VWA7: variants seen among roughly 807,000 people sequenced by gnomAD.
VWA7 encodes von Willebrand factor A domain containing 7.
Under a neutral mutation model 83.1 loss-of-function variants are expected in VWA7, and 66 were observed. That is an observed-to-expected ratio of 0.79 (90% CI 0.65 to 0.98). The LOEUF (loss-of-function observed/expected upper bound fraction) is 0.98. VWA7 is among the 50% of genes least tolerant of loss of function. The pLI, the probability that VWA7 is intolerant of heterozygous loss-of-function variation, is 0.00. For missense variants in VWA7, 1,080 were observed against 1,160.2 expected, an observed-to-expected ratio of 0.93 and a Z score of 1.00; for synonymous variants, 424 against 488.5, an observed-to-expected ratio of 0.87 and a Z score of 1.74.
rs1035157442 is a variant in VWA7, at chr6:31,766,221, A to G, written c.2324+24T>C. 6.2e-7 allele frequency: 1 copy of G among 1,610,436 alleles called. No homozygotes were observed. The highest frequency in any genetic ancestry group is 1.3e-5 in the African/African-American group (1 of 74,818). On this transcript the variant is annotated intron_variant, in intron 15 of 16. Transcript: ENST00000375688. The surrounding 1 kb of genome is among the most constrained non-coding windows in gnomAD (Gnocchi z 4.9). ...ATTGGCCGGGCAAGATGCCAGAGGG[A>G]GCTGGAGGGTTCATGAGCCTCACCT...
Position 31,773,506 on chromosome 6 carries a change from T to TCA in VWA7, c.722-70_722-69insTG. 3 of 1,425,606 alleles carry TCA rather than the reference T, an allele frequency of 2.1e-6. No individual in the cohort carries two copies. Among genetic ancestry groups the TCA allele is most frequent in the Non-Finnish European group, 2.8e-6 (3 of 1,067,524 alleles). 88.3% of individuals were successfully genotyped at this position (1,425,606 alleles called of 1,614,324 possible). On this transcript the variant is annotated intron_variant, in intron 5 of 16. Transcript: ENST00000375688. This position sits in a 1 kb window ranked among gnomAD's most constrained non-coding sequence, Gnocchi z 5.3. ...ACTGCCTCCTAAGAAAATGAGGCCC[T>TCA]TTCAGGCCTGGCCTGACCCTCTCAC...
At chr6:31,774,711 C>A in intron 4 of VWA7, 85 bp from the exon 5 acceptor site, 2 of 1,166,546 alleles carry the variant, frequency 1.7e-6, no homozygotes, top group Non-Finnish European at 2.4e-6. Flanking sequence ...TCAGCTTCTC[C>A]TCCCAGCTGG....
intron 5 of VWA7, 48 bp downstream of exon 5, chr6:31,774,468 G>C: frequency 6.4e-7 from 1 of 1,561,008 alleles, no homozygotes; most frequent in Non-Finnish European, 8.8e-7. Context: ...GATCCTGTAA[G>C]GGAATGACTT....
rs1811684259 is a variant in VWA7 at position 31,767,153 on chromosome 6, T to G, written c.1882+5A>C. 1.4e-6 allele frequency: 2 copies of G among 1,469,056 alleles called. 1 individual carries two copies. The highest frequency in any genetic ancestry group is 2.9e-5 in the South Asian group (2 of 68,458). The allele number at this position is 1,469,056 out of a possible 1,614,324, so 91.0% of individuals were successfully genotyped here. A position where few individuals can be genotyped will look rare whatever the true frequency, so the allele number is the denominator to read the frequency against. ...GGTGGGTGGGGGCTCAGGGAATAAA[T>G]GTACCTGCAACTGGCTGAGTCAGGG... On this transcript the variant is annotated splice_donor_5th_base_variant and intron_variant, in intron 13 of 16. Coordinates refer to ENST00000375688, the MANE Select transcript of VWA7 (RefSeq NM_025258.3).
Position 31,766,775 on chromosome 6 carries a change from G to A in VWA7, c.1883-11C>T, listed in dbSNP as rs748593417. ...GCTGGGTCTGAAGACCTGGGACAGG[G>A]GCGAGGAGGGGAGAACATTGTGAGA... On this transcript the variant is annotated splice_polypyrimidine_tract_variant and intron_variant, in intron 13 of 16. Transcript: ENST00000375688. This position sits in a 1 kb window ranked among gnomAD's most constrained non-coding sequence, Gnocchi z 4.9. 2 of 1,588,994 alleles carry A rather than the reference G, an allele frequency of 1.3e-6. No individual in the cohort carries two copies. The highest frequency in any genetic ancestry group is 8.6e-7 in the Non-Finnish European group (1 of 1,163,644).
chr6:31,775,250 G>A lies in VWA7; in HGVS notation c.610+83C>T, dbSNP rs1050946107. On this transcript the variant is annotated intron_variant, in intron 4 of 16. Transcript: ENST00000375688. This position sits in a 1 kb window ranked among gnomAD's most constrained non-coding sequence, Gnocchi z 5.9. ...AGATTAAGTAACATCATACCCTCTGGGACTTCAGAATGTGACACAGTGGCT... is the reference window on the plus strand; with the variant it reads ...AGATTAAGTAACATCATACCCTCTGAGACTTCAGAATGTGACACAGTGGCT... 5.7e-6 allele frequency: 7 copies of A among 1,222,476 alleles called. No individual in the cohort carries two copies. The highest frequency in any genetic ancestry group is 5.7e-6 in the Non-Finnish European group (5 of 870,822). The allele number at this position is 1,222,476 out of a possible 1,614,324, so 75.7% of individuals were successfully genotyped here. A position where few individuals can be genotyped will look rare whatever the true frequency, so the allele number is the denominator to read the frequency against.
chr6:31,776,437 G>T lies in VWA7; in HGVS notation c.234+109C>A. On this transcript the variant is annotated intron_variant, in intron 2 of 16. Transcript: ENST00000375688. This position sits in a 1 kb window ranked among gnomAD's most constrained non-coding sequence, Gnocchi z 6.2. ...GACTACTGGGTATTATTGCTGCAGG[G>T]GTGGGGCCATGGGTGTCTCTTCTCT... 5 of 1,231,498 alleles carry T rather than the reference G, an allele frequency of 4.1e-6. No homozygotes were observed. The highest frequency in any genetic ancestry group is 3.1e-5 in the South Asian group (2 of 65,196). The allele number at this position is 1,231,498 out of a possible 1,614,324, so 76.3% of individuals were successfully genotyped here.
At position 31,777,033 on chromosome 6, in the gene VWA7, T is replaced by TTG; in HGVS notation, c.-16+75_-16+76insCA. ...CCCCCACGCCCCCCTCCCCAGTCCCTGGCTGCGTCCCCAGCCCTGCCGCAG... is the reference window on the plus strand; with the variant it reads ...CCCCCACGCCCCCCTCCCCAGTCCCTTGGGCTGCGTCCCCAGCCCTGCCGCAG... On this transcript the variant is annotated intron_variant, in intron 1 of 16. Coordinates refer to ENST00000375688, the MANE Select transcript of VWA7 (RefSeq NM_025258.3). The surrounding 1 kb of genome is among the most constrained non-coding windows in gnomAD (Gnocchi z 5.8). 2.4e-6 allele frequency: 1 copy of TTG among 418,478 alleles called. No individual in the cohort carries two copies. The highest frequency in any genetic ancestry group is 8.1e-5 in the South Asian group (1 of 12,276). The allele number at this position is 418,478 out of a possible 1,614,324, so 25.9% of individuals were successfully genotyped here.
At position 31,766,605 on chromosome 6, in the gene VWA7, C is replaced by A; in HGVS notation, c.2042G>T (p.Gly681Val). The A allele has an allele frequency of 6.2e-7, 1 of 1,613,058 alleles. No homozygotes were observed. Among genetic ancestry groups the A allele is most frequent in the Non-Finnish European group, 8.5e-7 (1 of 1,180,022 alleles). ...PLEPVGPPERGLLAASLSPTL... is the reference protein window; with the variant it reads ...PLEPVGPPERVLLAASLSPTL... ...GGGCGACAGCGAGGCTGCGAGGAGA[C>A]CTCGCTCCGGAGGTCCCACGGGCTC... is the stretch of plus-strand genomic sequence containing the variant. The change falls in exon 14 of 17, where the codon GGT becomes GTT. Residue 681 changes from glycine to valine, a missense_variant. Transcript: ENST00000375688. The surrounding 1 kb of genome is among the most constrained non-coding windows in gnomAD (Gnocchi z 4.9).
Position 31,769,619 on chromosome 6 carries a change from A to C in VWA7, c.1317+56T>G. On this transcript the variant is annotated intron_variant, in intron 9 of 16. Transcript: ENST00000375688. The surrounding 1 kb of genome is among the most constrained non-coding windows in gnomAD (Gnocchi z 4.5). ...ACCCTCGTTATGAGATTGTCATCAC[A>C]GGGTCTCTCACATCCCTGGGAGGCT... 2 of 1,483,892 alleles carry C rather than the reference A, an allele frequency of 1.3e-6. No individual in the cohort carries two copies. Among genetic ancestry groups the C allele is most frequent in the East Asian group, 2.3e-5 (1 of 44,180 alleles). The allele number at this position is 1,483,892 out of a possible 1,614,324, so 91.9% of individuals were successfully genotyped here.
In VWA7 at chr6:31,765,998, G is replaced by A. The variant is rs2151388462; in HGVS notation, c.2384C>T (p.Ser795Leu). The A allele has an allele frequency of 6.2e-7, 1 of 1,612,940 alleles. No homozygotes were observed. Among genetic ancestry groups the A allele is most frequent in the Admixed American group, 1.7e-5 (1 of 60,026 alleles). The change falls in exon 16 of 17, where the codon TCA becomes TTA. Residue 795 changes from serine (S) to leucine (L), a missense_variant. By Grantham distance (145) the Ser-to-Leu change is moderately radical. Coordinates refer to ENST00000375688, the MANE Select transcript of VWA7 (RefSeq NM_025258.3). ...CATCACCACGGAATCCGGGGCCGCT[G>A]AATCTGGGACCTCCAGCCACAGGCG... Reference protein sequence around the residue: ...WGRLWLEVPDSAAPDSVVMVT... With the variant: ...WGRLWLEVPDLAAPDSVVMVT...
intron 7 of VWA7, 129 bp from the exon 8 acceptor site, chr6:31,770,242 A>C: frequency 4.2e-6 from 3 of 706,000 alleles, no homozygotes; most frequent in African/African-American, 1.8e-5. Context: ...ACAATACTCC[A>C]TTATAAGACT....
chr6:31,768,139 C>CAAAA (rs9279412), intron 10 of VWA7, among the ~76,000 whole-genome samples: 181 of 76,600 alleles, frequency 2.4e-3, no homozygotes, highest in East Asian at 3.4e-3. Context: ...GACTCTGTCT[C>CAAAA]AAAAAAAAAA....
At position 31,775,095 on chromosome 6, in the gene VWA7, G is replaced by A. The variant is rs1319611173; in HGVS notation, c.610+238C>T. On this transcript the variant is annotated intron_variant, in intron 4 of 16. Coordinates refer to ENST00000375688, the MANE Select transcript of VWA7 (RefSeq NM_025258.3). This position sits in a 1 kb window ranked among gnomAD's most constrained non-coding sequence, Gnocchi z 5.9. ...AAGGCCCCATGGGAGTCAGTGCGGG[G>A]AGGAAGCCACACTTAAGACGGGACT... is the stretch of plus-strand genomic sequence containing the variant. 6.6e-6 allele frequency among the ~76,000 whole-genome samples: 1 copy of A among 152,160 alleles called. No homozygotes were observed. Among genetic ancestry groups the A allele is most frequent in the Non-Finnish European group, 1.5e-5 (1 of 68,034 alleles).
rs1812445158 is a variant in VWA7, at chr6:31,773,924, G to A, written c.722-487C>T. Among the ~76,000 whole-genome samples, 1 of 152,062 alleles carries A rather than the reference G, an allele frequency of 6.6e-6. No homozygotes were observed. The highest frequency in any genetic ancestry group is 6.6e-5 in the Admixed American group (1 of 15,256). On this transcript the variant is annotated intron_variant, in intron 5 of 16. Transcript: ENST00000375688. The surrounding 1 kb of genome is among the most constrained non-coding windows in gnomAD (Gnocchi z 5.3). The stretch of plus-strand genomic sequence containing the variant: ...AATCCCAGCATTTTGGGAGGCTGAG[G>A]TGGGTGGATCACCTGAAGTCAGGAG...
chr6:31,773,503 C>G lies in VWA7; in HGVS notation c.722-66G>C. 1 of 1,435,384 alleles carries G rather than the reference C, an allele frequency of 7.0e-7. No homozygotes were observed. Among genetic ancestry groups the G allele is most frequent in the Non-Finnish European group, 9.3e-7 (1 of 1,076,394 alleles). The allele number at this position is 1,435,384 out of a possible 1,614,324, so 88.9% of individuals were successfully genotyped here. A position where few individuals can be genotyped will look rare whatever the true frequency, so the allele number is the denominator to read the frequency against. The stretch of plus-strand genomic sequence containing the variant: ...CCCACTGCCTCCTAAGAAAATGAGG[C>G]CCTTTCAGGCCTGGCCTGACCCTCT... On this transcript the variant is annotated intron_variant, in intron 5 of 16. Coordinates refer to ENST00000375688, the MANE Select transcript of VWA7 (RefSeq NM_025258.3). This position sits in a 1 kb window ranked among gnomAD's most constrained non-coding sequence, Gnocchi z 5.3.
chr6:31,766,832 C>T lies in VWA7; in HGVS notation c.1883-68G>A, dbSNP rs1289900591. The T allele has an allele frequency of 6.6e-7, 1 of 1,517,804 alleles. No homozygotes were observed. Among genetic ancestry groups the T allele is most frequent in the East Asian group, 2.3e-5 (1 of 43,804 alleles). The allele number at this position is 1,517,804 out of a possible 1,614,324, so 94.0% of individuals were successfully genotyped here. ...GACACAGGGAGAAAAGAATTAATGGCCTTCAAAATAGGGGTTCCCTCTGGG... is the reference window on the plus strand; with the variant it reads ...GACACAGGGAGAAAAGAATTAATGGTCTTCAAAATAGGGGTTCCCTCTGGG... On this transcript the variant is annotated intron_variant, in intron 13 of 16. Coordinates refer to ENST00000375688, the MANE Select transcript of VWA7 (RefSeq NM_025258.3). This position sits in a 1 kb window ranked among gnomAD's most constrained non-coding sequence, Gnocchi z 4.9.
Position 31,775,927 on chromosome 6 carries a change from A to C in VWA7, c.513+37T>G. 6.4e-7 allele frequency: 1 copy of C among 1,572,728 alleles called. No individual in the cohort carries two copies. Among genetic ancestry groups the C allele is most frequent in the Non-Finnish European group, 8.6e-7 (1 of 1,158,412 alleles). On this transcript the variant is annotated intron_variant, in intron 3 of 16. Coordinates refer to ENST00000375688, the MANE Select transcript of VWA7 (RefSeq NM_025258.3). The surrounding 1 kb of genome is among the most constrained non-coding windows in gnomAD (Gnocchi z 5.9). ...TCCATCCCGGACAGGCACGGAAGTG[A>C]AGACCCCTCTGACCATCAACCCAAC...
rs539175367 is a variant in VWA7, at chr6:31,775,691, T to C, written c.514-262A>G. 2.6e-5 allele frequency among the ~76,000 whole-genome samples: 4 copies of C among 152,334 alleles called. No homozygotes were observed. Among genetic ancestry groups the C allele is most frequent in the Admixed American group, 6.5e-5 (1 of 15,306 alleles). On this transcript the variant is annotated intron_variant, in intron 3 of 16. Coordinates refer to ENST00000375688, the MANE Select transcript of VWA7 (RefSeq NM_025258.3). The surrounding 1 kb of genome is among the most constrained non-coding windows in gnomAD (Gnocchi z 5.9). ...CCTCTCTCGGCCTGCAGAGTCCTGC[T>C]GCGTGTGCTGCTCCCTCAGCTCTCT... is the stretch of plus-strand genomic sequence containing the variant.
Sources: gnomAD v4.1 joint callset for allele counts (sites outside exome capture counted in the v4.1 genomes callset) on GRCh38, gnomAD v4.1.1 for gene constraint, Gnocchi (gnomAD v3.1) non-coding constraint, MANE v1.5 for transcripts, NCBI Gene and HGNC (gene_info 2026-07-23, HGNC 2026-07-21) for gene names.